NBEA: variants seen among roughly 807,000 people sequenced by gnomAD.
NBEA encodes the protein lysosomal-trafficking regulator 2.
NBEA carries 44 observed loss-of-function variants against 343.4 expected under a neutral mutation model. That is an observed-to-expected ratio of 0.13 (90% CI 0.10 to 0.16). NBEA has a LOEUF of 0.16. Ranked by LOEUF, NBEA falls within the 10% of genes least tolerant of loss-of-function variation. NBEA has a pLI of 1.00. For missense variants in NBEA, 2,555 were observed against 3,631.3 expected (o/e 0.70, Z 7.62); for synonymous variants, 1,175 against 1,238.7 (o/e 0.95, Z 1.08).
chr13:35,512,545 C>T (rs1355465713), intron 41 of NBEA, among the ~76,000 whole-genome samples: 2 of 152,206 alleles, frequency 1.3e-5, no homozygotes, highest in East Asian at 3.8e-4. Flanking sequence ...TTCTTTTCTT[C>T]TTCTCAACAG....
chr13:35,359,852 G>GTA (rs2040708409), intron 38 of NBEA, among the ~76,000 whole-genome samples: 2 of 151,374 alleles, frequency 1.3e-5, no homozygotes, highest in East Asian at 3.9e-4. Flanking sequence ...GTGTGTGTGT[G>GTA]TGTGTGTGAG....
rs530005460 is a variant in NBEA, at chr13:35,487,656, G to C, written c.6585+15120G>C. Among the ~76,000 whole-genome samples the C allele has an allele frequency of 4.0e-5, 6 of 151,846 alleles. No homozygotes were observed. The South Asian group carries it at 1.2e-3, about 32-fold the overall frequency. ...AATTGCACTTACAACAGTTCTAGTG[G>C]TTAGAACGCTCTTCCTAATATTGAA... On this transcript the variant is annotated intron_variant, in intron 41 of 58. Coordinates refer to ENST00000379939, the MANE Select transcript of NBEA (RefSeq NM_001385012.1).
chr13:35,140,876 C>G (rs561024811), intron 17 of NBEA, among the ~76,000 whole-genome samples: 1 of 152,276 alleles, frequency 6.6e-6, no homozygotes, highest in African/African-American at 2.4e-5. Context: ...TTTTCCCAAG[C>G]AGTTGATTAT....
Position 35,070,730 on chromosome 13 carries a change from G to T in NBEA, c.1449G>T (p.Ala483=). 6.3e-7 allele frequency: 1 copy of T among 1,584,358 alleles called. No individual in the cohort carries two copies. Among genetic ancestry groups the T allele is most frequent in the Non-Finnish European group, 8.6e-7 (1 of 1,161,808 alleles). ...PHALMLQDVK[A]IVTHSIHSAI... ...GTTTTTGGACATAGGATGTGAAAGCGATAGTAACACATTCAATTCATAGTG... is the reference window on the plus strand; with the variant it reads ...GTTTTTGGACATAGGATGTGAAAGCTATAGTAACACATTCAATTCATAGTG... The change falls in exon 10 of 59, where the codon GCG becomes GCT. Residue 483 remains alanine (A), a synonymous_variant. Transcript: ENST00000379939.
chr13:35,396,318 G>A (rs2042742831), intron 38 of NBEA, among the ~76,000 whole-genome samples: 1 of 151,962 alleles, frequency 6.6e-6, no homozygotes, highest in Admixed American at 6.6e-5. Context: ...ATTTGTTTCT[G>A]TGTGTCTACT....
chr13:35,474,509 T>TA (rs2075781189), intron 41 of NBEA: 1 of 152,824 alleles, frequency 6.5e-6, no homozygotes, highest in Non-Finnish European at 1.5e-5. Context: ...CTTTAAATGA[T>TA]ATCTTTGTTA....
chr13:35,375,915 A>G (rs939272016), intron 38 of NBEA, among the ~76,000 whole-genome samples: 4 of 152,164 alleles, frequency 2.6e-5, no homozygotes, highest in African/African-American at 2.4e-5. Context: ...TTCTACCTAA[A>G]TATTTGAAAT....
chr13:35,246,303 T>G (rs2031172663), intron 34 of NBEA, among the ~76,000 whole-genome samples: 3 of 152,182 alleles, frequency 2.0e-5, no homozygotes, highest in African/African-American at 7.2e-5. Flanking sequence ...GATTTCTTCT[T>G]GGTTTGGATC....
intron 55 of NBEA, among the ~76,000 whole-genome samples, chr13:35,662,767 T>C (rs1310673595): frequency 6.6e-6 from 1 of 152,212 alleles, no homozygotes; most frequent in Non-Finnish European, 1.5e-5. Context: ...AATATTTTTA[T>C]ACATTTTTTT....
intron 38 of NBEA, among the ~76,000 whole-genome samples, chr13:35,360,535 A>G (rs2040752148): frequency 6.6e-6 from 1 of 152,124 alleles, no homozygotes; most frequent in African/African-American, 2.4e-5. Flanking sequence ...ACAGATGCCA[A>G]TCCCAAGATG....
intron 38 of NBEA, among the ~76,000 whole-genome samples, chr13:35,407,266 A>AT (rs1235017061): frequency 1.3e-5 from 2 of 151,326 alleles, no homozygotes; most frequent in Admixed American, 6.6e-5. Flanking sequence ...CACCCGGCCT[A>AT]TTTTTTTTCA....
chr13:35,108,307 T>G (rs917650089), intron 11 of NBEA, among the ~76,000 whole-genome samples: 11 of 151,928 alleles, frequency 7.2e-5, no homozygotes, highest in Non-Finnish European at 1.3e-4. Context: ...GAAGATAAAT[T>G]TTTTGATATT....
intron 31 of NBEA, among the ~76,000 whole-genome samples, chr13:35,197,488 C>A (rs750865634): frequency 6.6e-6 from 1 of 151,770 alleles, no homozygotes; most frequent in African/African-American, 2.4e-5. Context: ...GAGGATGTGG[C>A]GGTATAGTCA....
chr13:35,379,707 T>G (rs1410614629), intron 38 of NBEA, among the ~76,000 whole-genome samples: 1 of 63,410 alleles, frequency 1.6e-5, no homozygotes, highest in Admixed American at 2.0e-4. Context: ...GAAGTCAGGA[T>G]TACTTTTTTT....
At chr13:35,227,901 C>T (rs2074749168) in intron 33 of NBEA, among the ~76,000 whole-genome samples, 1 of 151,212 alleles carries the variant, frequency 6.6e-6, no homozygotes, top group Admixed American at 6.6e-5. Flanking sequence ...AAGAAAAGAT[C>T]ACTTTGTTAT....
intron 27 of NBEA, among the ~76,000 whole-genome samples, chr13:35,174,246 C>T (rs1245454931): frequency 6.6e-6 from 1 of 152,086 alleles, no homozygotes; most frequent in African/African-American, 2.4e-5. Context: ...AAGTATTCAT[C>T]CTTATTTTTT....
intron 38 of NBEA, among the ~76,000 whole-genome samples, chr13:35,414,517 G>A (rs2152919173): frequency 6.6e-6 from 1 of 152,182 alleles, no homozygotes; most frequent in African/African-American, 2.4e-5. Flanking sequence ...TGCTCAGAAT[G>A]ATGGTTTCCA....
intron 10 of NBEA, among the ~76,000 whole-genome samples, chr13:35,073,112 G>A (rs892886141): frequency 1.3e-5 from 2 of 152,124 alleles, no homozygotes; most frequent in Non-Finnish European, 2.9e-5. Flanking sequence ...AGAAAAGTAT[G>A]TGCATCAGTG....
At chr13:35,107,541 C>T (rs1327450910) in intron 11 of NBEA, among the ~76,000 whole-genome samples, 1 of 151,882 alleles carries the variant, frequency 6.6e-6, no homozygotes, top group African/African-American at 2.4e-5. Context: ...TTTTATCTGC[C>T]CCATAGTTTC....
Sources: allele counts gnomAD v4.1 joint callset (sites outside exome capture counted in the v4.1 genomes callset), GRCh38; gene constraint gnomAD v4.1.1; transcripts MANE v1.5; gene names NCBI Gene and HGNC (gene_info 2026-07-23, HGNC 2026-07-21).